CCDC85C: variants seen among roughly 807,000 people sequenced by gnomAD.
CCDC85C encodes coiled-coil domain containing 85C, also known as coiled-coil domain-containing protein 85C.
In CCDC85C, 18 loss-of-function variants were observed where a neutral mutation model predicts 38.3. The observed-to-expected ratio is 0.47, with a 90% CI of 0.33 to 0.70. The LOEUF (loss-of-function observed/expected upper bound fraction) is 0.70. Among genes scored for constraint, CCDC85C ranks in the 30% least tolerant of loss-of-function variants. CCDC85C has a pLI of 0.03. For synonymous variants in CCDC85C, 264 were observed against 293.8 expected (o/e 0.90, Z 1.04); for missense variants, 566 against 621.2 (o/e 0.91, Z 0.94).
At chr14:99,542,504 C>T (rs560911731) in intron 1 of CCDC85C, among the ~76,000 whole-genome samples, 2 of 152,316 alleles carry the variant, frequency 1.3e-5, no homozygotes, top group South Asian at 4.1e-4. Flanking sequence ...GGCAGGTGAC[C>T]AGGCCCCCCC....
chr14:99,525,219 A>T (rs1456113670), intron 2 of CCDC85C, among the ~76,000 whole-genome samples: 1 of 152,038 alleles, frequency 6.6e-6, no homozygotes, highest in Non-Finnish European at 1.5e-5. Flanking sequence ...CGCTGGGTGA[A>T]CTCCAGTTGT....
intron 1 of CCDC85C, among the ~76,000 whole-genome samples, chr14:99,597,978 G>T (rs112672000): frequency 2.6e-5 from 4 of 152,246 alleles, no homozygotes; most frequent in African/African-American, 9.6e-5. Context: ...GAGGCTTAGA[G>T]GTTCAGTAAG....
chr14:99,602,138 G>A (rs982956117), intron 1 of CCDC85C, among the ~76,000 whole-genome samples: 1 of 152,248 alleles, frequency 6.6e-6, no homozygotes, highest in Non-Finnish European at 1.5e-5. Flanking sequence ...CAGCAGAACT[G>A]GAAGCCAAGC....
rs893909928 is a variant in CCDC85C, at chr14:99,554,012, C to T, written c.794-17924G>A. ...AGTGCAGGTTGCGGGAGGGACAGGACTGTGTCTTGCTCTCAGAGCTGCTGC... is the reference window on the plus strand; with the variant it reads ...AGTGCAGGTTGCGGGAGGGACAGGATTGTGTCTTGCTCTCAGAGCTGCTGC... On this transcript the variant is annotated intron_variant, in intron 1 of 5. Coordinates refer to ENST00000380243, the MANE Select transcript of CCDC85C (RefSeq NM_001144995.2). Among the ~76,000 whole-genome samples the T allele has an allele frequency of 2.6e-5, 4 of 152,204 alleles. No individual in the cohort carries two copies. In the East Asian group the frequency reaches 5.8e-4, roughly 22 times the overall value.
chr14:99,586,654 A>C (rs2055029881), intron 1 of CCDC85C, among the ~76,000 whole-genome samples: 1 of 152,314 alleles, frequency 6.6e-6, no homozygotes, highest in South Asian at 2.1e-4. Flanking sequence ...TTTAGAAAGA[A>C]GGCTCTTTAA....
chr14:99,568,259 T>A (rs1231754067), intron 1 of CCDC85C, among the ~76,000 whole-genome samples: 6 of 138,586 alleles, frequency 4.3e-5, no homozygotes, highest in African/African-American at 8.3e-5. Context: ...TATTTTTTTT[T>A]TTTTTTTTTT....
At chr14:99,519,099 C>CTTTTTTTTTTTTT (rs59524541) in intron 3 of CCDC85C, among the ~76,000 whole-genome samples, 3 of 52,218 alleles carry the variant, frequency 5.7e-5, no homozygotes, top group Admixed American at 3.3e-4. Flanking sequence ...TCATACATGC[C>CTTTTTTTTTTTTT]TTTTTTTTTT....
At chr14:99,515,647 C>T (rs10135028) in intron 5 of CCDC85C, among the ~76,000 whole-genome samples, 41,870 of 151,982 alleles carry the variant, frequency 0.28, 6,595 homozygotes, top group Non-Finnish European at 0.37. Flanking sequence ...CCCTTTAAGT[C>T]CTGGGTTCAG....
At chr14:99,531,828 A>T (rs1422641843) in intron 2 of CCDC85C, among the ~76,000 whole-genome samples, 2 of 152,222 alleles carry the variant, frequency 1.3e-5, no homozygotes, top group African/African-American at 4.8e-5. Context: ...GAGGCTTAGG[A>T]CAGCATCTCA....
chr14:99,602,192 C>A (rs1309033857), intron 1 of CCDC85C, among the ~76,000 whole-genome samples: 1 of 152,212 alleles, frequency 6.6e-6, no homozygotes, highest in Admixed American at 6.5e-5. Context: ...GATCCACCAG[C>A]GAGGAGGAGA....
At chr14:99,554,328 T>C (rs1246261870) in intron 1 of CCDC85C, among the ~76,000 whole-genome samples, 1 of 150,744 alleles carries the variant, frequency 6.6e-6, no homozygotes, top group Non-Finnish European at 1.5e-5. Context: ...TCTAGGGAGA[T>C]ACACCCCCAC....
intron 1 of CCDC85C, among the ~76,000 whole-genome samples, chr14:99,562,103 A>G (rs904171858): frequency 3.9e-5 from 6 of 152,136 alleles, no homozygotes; most frequent in African/African-American, 1.4e-4. Context: ...GGACATGATG[A>G]TGTCATCATG....
At position 99,603,416 on chromosome 14, in the gene CCDC85C, T is replaced by A; in HGVS notation, c.544A>T (p.Ser182Cys). 7.9e-7 allele frequency: 1 copy of A among 1,269,752 alleles called. No homozygotes were observed. The highest frequency in any genetic ancestry group is 9.9e-7 in the Non-Finnish European group (1 of 1,011,988). The allele number at this position is 1,269,752 out of a possible 1,614,324, so 78.7% of individuals were successfully genotyped here. A position where few individuals can be genotyped will look rare whatever the true frequency, so the allele number is the denominator to read the frequency against. Residue 182 changes from serine to cysteine, a missense_variant, in exon 1 of 6, where the codon AGC (serine) becomes TGC (cysteine). Transcript: ENST00000380243. This position sits in a 1 kb window ranked among gnomAD's most constrained non-coding sequence, Gnocchi z 7.5. ...AGCGGCCCGCTCAGGCTGGCCTGGC[T>A]GTCGATGGAGCTGCGGGAGCCGGCG... is the stretch of plus-strand genomic sequence containing the variant. Reference protein sequence around the residue: ...GGAGSRSSIDSQASLSGPLSG... With the variant: ...GGAGSRSSIDCQASLSGPLSG...
At chr14:99,551,767 G>C (rs1897917179) in intron 1 of CCDC85C, among the ~76,000 whole-genome samples, 1 of 152,050 alleles carries the variant, frequency 6.6e-6, no homozygotes, top group Non-Finnish European at 1.5e-5. Flanking sequence ...GCATGCAGCA[G>C]GCAGGTGAGT....
intron 1 of CCDC85C, among the ~76,000 whole-genome samples, chr14:99,601,037 AAAAG>A (rs896691310): frequency 2.0e-5 from 3 of 152,204 alleles, no homozygotes; most frequent in Admixed American, 1.3e-4. Flanking sequence ...AAAAAGGGAA[AAAAG>A]AAAGAAAGAA....
rs115338446 is a variant in CCDC85C at position 99,592,187 on chromosome 14, G to A, written c.793+10980C>T. 2.7e-3 allele frequency among the ~76,000 whole-genome samples: 406 copies of A among 152,336 alleles called. 1 individual carries two copies. The highest frequency in any genetic ancestry group is 9.5e-3 in the African/African-American group (393 of 41,568). On this transcript the variant is annotated intron_variant, in intron 1 of 5. Transcript: ENST00000380243. ...TAGCCCATGCGAAGGCAGGGTGGTC[G>A]GTACAGCTGCATGTCATTTAATTGT... is the stretch of plus-strand genomic sequence containing the variant.
At position 99,503,861 on chromosome 14, in the gene CCDC85C, C is replaced by A; in HGVS notation, c.*11385G>T. On this transcript the variant is annotated 3_prime_UTR_variant, in exon 6 of 6. Coordinates refer to ENST00000380243, the MANE Select transcript of CCDC85C (RefSeq NM_001144995.2). ...GAAGCTATCAGTACAGAAAACATTA[C>A]TGGCAATAAAAATGTACTCAGTAAC... 1.8e-6 allele frequency: 1 copy of A among 556,940 alleles called. No individual in the cohort carries two copies. Among genetic ancestry groups the A allele is most frequent in the South Asian group, 2.3e-5 (1 of 42,962 alleles). 34.5% of individuals were successfully genotyped at this position (556,940 alleles called of 1,614,324 possible).
Position 99,503,830 on chromosome 14 carries a change from T to A in CCDC85C, c.*11416A>T. The A allele has an allele frequency of 1.7e-6, 1 of 593,018 alleles. No homozygotes were observed. Among genetic ancestry groups the A allele is most frequent in the Non-Finnish European group, 3.0e-6 (1 of 334,076 alleles). The allele number at this position is 593,018 out of a possible 1,614,324, so 36.7% of individuals were successfully genotyped here. ...CTGATCATAGATTCTAAAATTGTGC[T>A]CTTACGAAGCTATCAGTACAGAAAA... On this transcript the variant is annotated 3_prime_UTR_variant, in exon 6 of 6. Coordinates refer to ENST00000380243, the MANE Select transcript of CCDC85C (RefSeq NM_001144995.2).
intron 1 of CCDC85C, among the ~76,000 whole-genome samples, chr14:99,549,281 G>A (rs1413245897): frequency 2.0e-5 from 3 of 152,222 alleles, no homozygotes; most frequent in Non-Finnish European, 4.4e-5. Flanking sequence ...AACTCCTCAT[G>A]TTGTACCACT....
Sources: gnomAD v4.1 joint callset for allele counts (sites outside exome capture counted in the v4.1 genomes callset) on GRCh38, gnomAD v4.1.1 for gene constraint, Gnocchi (gnomAD v3.1) non-coding constraint, MANE v1.5 for transcripts, NCBI Gene and HGNC (gene_info 2026-07-23, HGNC 2026-07-21) for gene names.